BICDL2: variants seen among roughly 807,000 people sequenced by gnomAD.
BICDL2 encodes the protein BICD family-like cargo adapter 2.
In BICDL2, 62 loss-of-function variants were observed where a neutral mutation model predicts 56.6. The observed-to-expected ratio is 1.10, with a 90% CI of 0.89 to 1.35. BICDL2 has a LOEUF of 1.35. Among genes scored for constraint, BICDL2 ranks in the 40% most tolerant of loss-of-function variants. The probability of loss-of-function intolerance (pLI) is 0.00; values close to 1 mark genes in which losing one functional copy is unlikely to be tolerated. For synonymous variants in BICDL2, 358 were observed against 319.8 expected, an observed-to-expected ratio of 1.12 and a Z score of -1.27; for missense variants, 808 against 684.5, an observed-to-expected ratio of 1.18 and a Z score of -2.01.
At chr16:3,028,556 G>T in intron 8 of BICDL2, 88 bp from the exon 9 acceptor site, 1 of 1,534,122 alleles carries the variant, frequency 6.5e-7, no homozygotes, top group East Asian at 2.4e-5. Context: ...CCGGGCGGGA[G>T]GAGGGCTGCA....
chr16:3,028,748 CCAGGGTCTTCCTGCGCCCG>C lies in BICDL2; in HGVS notation c.1171_1189del (p.Arg391GlyfsTer15). The C allele has an allele frequency of 6.4e-7, 1 of 1,563,280 alleles. No homozygotes were observed. Among genetic ancestry groups the C allele is most frequent in the Non-Finnish European group, 8.7e-7 (1 of 1,153,960 alleles). Reference sequence around the variant, plus strand: ...TGAGAGGGCACTGTGCAGGGCCTCCCCAGGGTCTTCCTGCGCCCGCAGCTCCTTCTGCCTCTGCAGCTCT... The same window carrying C: ...TGAGAGGGCACTGTGCAGGGCCTCCCCAGCTCCTTCTGCCTCTGCAGCTCT... On this transcript the variant is annotated frameshift_variant, in exon 8 of 10. Transcript: ENST00000572449. LOFTEE classifies it high-confidence loss of function.
chr16:3,033,484 C>T (rs1955685161), intron 2 of BICDL2, among the ~76,000 whole-genome samples: 1 of 151,692 alleles, frequency 6.6e-6, no homozygotes, highest in Non-Finnish European at 1.5e-5. Context: ...GGAATTTGTT[C>T]ACTCAAGAAA....
intron 1 of BICDL2, chr16:3,036,654 C>G (rs960061346): frequency 8.9e-6 from 4 of 450,478 alleles, no homozygotes; most frequent in Admixed American, 7.3e-5. Flanking sequence ...GAGACCGCTC[C>G]CCCTCCCCTT....
chr16:3,031,360 G>A (rs1260515165), intron 2 of BICDL2: 9 of 586,010 alleles, frequency 1.5e-5, no homozygotes, highest in South Asian at 4.3e-5. Context: ...GACAGGACGC[G>A]TGGGCCCGGG....
rs1955575821 is a variant in BICDL2, at chr16:3,028,160, G to A, written c.1473C>T (p.Arg491=). Residue 491 remains arginine (R), a synonymous_variant, in exon 10 of 10, where the codon CGC becomes CGT. Transcript: ENST00000572449. The part of the protein sequence containing the change: ...PRRAAPRFSL[R]LGPGPAGGFL... ...AGCCACCGGCGGGCCCGGGGCCCAG[G>A]CGCAGCGAGAAGCGGGGCGCGGCAC... is the stretch of plus-strand genomic sequence containing the variant. The A allele has an allele frequency of 2.8e-6, 4 of 1,447,266 alleles. No homozygotes were observed. The African/African-American group carries it at 6.0e-5, about 22-fold the overall frequency. The allele number at this position is 1,447,266 out of a possible 1,614,324, so 89.7% of individuals were successfully genotyped here.
At chr16:3,034,564 G>A (rs1955700947) in intron 2 of BICDL2, among the ~76,000 whole-genome samples, 1 of 152,104 alleles carries the variant, frequency 6.6e-6, no homozygotes, top group Non-Finnish European at 1.5e-5. Context: ...TTACAGGTGT[G>A]AGCCACCATG....
chr16:3,028,282 G>A lies in BICDL2; in HGVS notation c.1360-9C>T, dbSNP rs1049784248. On this transcript the variant is annotated splice_polypyrimidine_tract_variant and intron_variant, in intron 9 of 9. Coordinates refer to ENST00000572449, the MANE Select transcript of BICDL2 (RefSeq NM_001369667.1). ...ACCACCTGCATGTCGTCCTGCGGGA[G>A]GCCGTGGTCGGCTCAGCGCCGGTCC... The A allele has an allele frequency of 2.0e-6, 3 of 1,491,730 alleles. No homozygotes were observed. Among genetic ancestry groups the A allele is most frequent in the African/African-American group, 1.5e-5 (1 of 68,656 alleles). The allele number at this position is 1,491,730 out of a possible 1,614,324, so 92.4% of individuals were successfully genotyped here. A position where few individuals can be genotyped will look rare whatever the true frequency, so the allele number is the denominator to read the frequency against.
In BICDL2 at chr16:3,029,586, C is replaced by T. The variant is rs923791212; in HGVS notation, c.916G>A (p.Gly306Ser). ...QSELAHSLDD[G>S]DQGQGADAPG... ...GCGTCGGCGCCCTGGCCCTGGTCGC[C>T]GTCGTCGAGGCTGTGGGCCAGTTCT... The change falls in exon 6 of 10, where the codon GGC becomes AGC. Residue 306 changes from glycine to serine, a missense_variant. Transcript: ENST00000572449. The T allele has an allele frequency of 6.5e-7, 1 of 1,544,058 alleles. No individual in the cohort carries two copies. Among genetic ancestry groups the T allele is most frequent in the Non-Finnish European group, 8.7e-7 (1 of 1,148,708 alleles).
chr16:3,035,581 T>G, intron 1 of BICDL2, 55 bp from the exon 2 acceptor site: 1 of 1,460,906 alleles, frequency 6.8e-7, no homozygotes, highest in African/African-American at 1.4e-5. Context: ...GCCCAGCACC[T>G]GGCCCTCCAG....
At position 3,029,701 on chromosome 16, in the gene BICDL2, A is replaced by G. The variant is rs1328343611; in HGVS notation, c.801T>C (p.Ser267=). 1.9e-6 allele frequency: 3 copies of G among 1,540,418 alleles called. No individual in the cohort carries two copies. Among genetic ancestry groups the G allele is most frequent in the East Asian group, 2.4e-5 (1 of 41,074 alleles). ...RARSEAGEAL[S]ALRRLQRRVS... The stretch of plus-strand genomic sequence containing the variant: ...CGCGCCGCTGCAGCCTCCGCAGCGC[A>G]CTCAGCGCCTCCCCAGCCTCTGACC... The change falls in exon 6 of 10, where the codon AGT becomes AGC. Residue 267 remains serine (S), a synonymous_variant. Coordinates refer to ENST00000572449, the MANE Select transcript of BICDL2 (RefSeq NM_001369667.1).
At chr16:3,035,847 A>G (rs948196883) in intron 1 of BICDL2, 17 of 346,042 alleles carry the variant, frequency 4.9e-5, no homozygotes, top group African/African-American at 3.6e-4. Context: ...AGAACCCAGC[A>G]GTTTGGCTTG....
In BICDL2 at chr16:3,030,721, G is replaced by A. The variant is rs764724643; in HGVS notation, c.590C>T (p.Thr197Met). The A allele has an allele frequency of 9.3e-6, 15 of 1,612,222 alleles. No individual in the cohort carries two copies. The highest frequency in any genetic ancestry group is 4.5e-5 in the East Asian group (2 of 44,856). ...AQALAGAELR[T>M]RLESLQGENQ... ...TTCCCCCTGCAGACTCTCCAGCCGC[G>A]TCCTCAGCTCTGCTCCAGCCAGTGC... The change falls in exon 4 of 10, where the codon ACG becomes ATG. Residue 197 changes from threonine to methionine, a missense_variant. Transcript: ENST00000572449.
chr16:3,036,149 C>A (rs1013523842), intron 1 of BICDL2: 4 of 412,050 alleles, frequency 9.7e-6, no homozygotes, highest in African/African-American at 8.4e-5. Flanking sequence ...GATTCCCACC[C>A]CAGTCCCCAT....
chr16:3,029,928 C>G (rs1220900759), intron 5 of BICDL2, 189 bp from the exon 6 acceptor site: 40 of 559,716 alleles, frequency 7.1e-5, no homozygotes, highest in Non-Finnish European at 1.1e-4. Flanking sequence ...ACAGTTTCCT[C>G]GCCTATAGAG....
chr16:3,031,763 T>G, intron 2 of BICDL2: 1 of 384,898 alleles, frequency 2.6e-6, no homozygotes, highest in East Asian at 3.7e-5. Flanking sequence ...TTGCCACAGC[T>G]GCTGCAGCGA....
chr16:3,034,977 T>G (rs1955709282), intron 2 of BICDL2: 1 of 523,874 alleles, frequency 1.9e-6, no homozygotes. Flanking sequence ...CCCAAAGTGC[T>G]GGGATTACAG....
chr16:3,027,806 ACT>A lies in BICDL2; in HGVS notation c.*298_*299del. On this transcript the variant is annotated 3_prime_UTR_variant, in exon 10 of 10. Coordinates refer to ENST00000572449, the MANE Select transcript of BICDL2 (RefSeq NM_001369667.1). ...AAATCGGTGGAGTGATTTATATATTACTCTGTCCGATCTTGATACATAAATAC... is the reference window on the plus strand; with the variant it reads ...AAATCGGTGGAGTGATTTATATATTACTGTCCGATCTTGATACATAAATAC... The A allele has an allele frequency of 2.2e-6, 2 of 916,416 alleles. No individual in the cohort carries two copies. The highest frequency in any genetic ancestry group is 3.2e-6 in the Non-Finnish European group (2 of 630,764). 56.8% of individuals were successfully genotyped at this position (916,416 alleles called of 1,614,324 possible).
chr16:3,028,238 G>C lies in BICDL2; in HGVS notation c.1395C>G (p.Arg465=), dbSNP rs1955578411. 6.8e-7 allele frequency: 1 copy of C among 1,472,886 alleles called. No individual in the cohort carries two copies. The highest frequency in any genetic ancestry group is 1.5e-5 in the African/African-American group (1 of 67,762). 91.2% of individuals were successfully genotyped at this position (1,472,886 alleles called of 1,614,324 possible). A position where few individuals can be genotyped will look rare whatever the true frequency, so the allele number is the denominator to read the frequency against. Residue 465 remains arginine (R), a synonymous_variant, in exon 10 of 10, where the codon CGC becomes CGG. Coordinates refer to ENST00000572449, the MANE Select transcript of BICDL2 (RefSeq NM_001369667.1). ...CGCTCAGCTCCTTCTGGCGCTGTGA[G>C]CGCAGCTGCTGCCCGATCACCACCT... ...DMQVVIGQQL[R]SQRQKELSAS...
chr16:3,028,166 C>T lies in BICDL2; in HGVS notation c.1467G>A (p.Ser489=). Residue 489 remains serine, a synonymous_variant, in exon 10 of 10, where the codon TCG becomes TCA. Transcript: ENST00000572449. ...STPRRAAPRF[S]LRLGPGPAGG... ...CGGCGGGCCCGGGGCCCAGGCGCAG[C>T]GAGAAGCGGGGCGCGGCACGGCGCG... 6.9e-7 allele frequency: 1 copy of T among 1,448,992 alleles called. No individual in the cohort carries two copies. The highest frequency in any genetic ancestry group is 3.2e-5 in the Admixed American group (1 of 31,548). 89.8% of individuals were successfully genotyped at this position (1,448,992 alleles called of 1,614,324 possible).
Sources: gnomAD v4.1 joint callset for allele counts (sites outside exome capture counted in the v4.1 genomes callset) on GRCh38, gnomAD v4.1.1 for gene constraint, MANE v1.5 for transcripts, NCBI Gene and HGNC (gene_info 2026-07-23, HGNC 2026-07-21) for gene names.